Variants in MACROD2 observed in about 807,000 individuals in gnomAD.
MACROD2 encodes ADP-ribose glycohydrolase MACROD2.
Under a neutral mutation model 70.4 loss-of-function variants are expected in MACROD2, and 36 were observed. That is an observed-to-expected ratio of 0.51 (90% CI 0.39 to 0.68). The LOEUF is 0.68. MACROD2 is among the 30% of genes least tolerant of loss of function. MACROD2 has a pLI of 0.00. For missense variants in MACROD2, 496 were observed against 538.4 expected (o/e 0.92, Z 0.78); for synonymous variants, 172 against 178.8 (o/e 0.96, Z 0.30).
intron 3 of MACROD2, among the ~76,000 whole-genome samples, chr20:14,343,249 A>T (rs1369187548): frequency 6.6e-6 from 1 of 151,854 alleles, no homozygotes; most frequent in East Asian, 1.9e-4. Flanking sequence ...TAAAAAAAAA[A>T]AAGACTTAAA....
chr20:15,479,265 CTTTT>C (rs767435610), intron 7 of MACROD2, among the ~76,000 whole-genome samples: 1,576 of 87,668 alleles, frequency 0.018, 13 homozygotes, highest in African/African-American at 0.08. Context: ...TTCTCGCTCT[CTTTT>C]TTTTTTTTTT....
intron 2 of MACROD2, among the ~76,000 whole-genome samples, chr20:14,041,867 A>G (rs1375787615): frequency 2.0e-5 from 3 of 152,144 alleles, no homozygotes; most frequent in African/African-American, 7.2e-5. Flanking sequence ...TGCTCACAAA[A>G]TCCAATAGCC....
intron 8 of MACROD2, among the ~76,000 whole-genome samples, chr20:15,789,268 A>G (rs1414449074): frequency 6.6e-6 from 1 of 152,194 alleles, no homozygotes; most frequent in African/African-American, 2.4e-5. Context: ...CTTTGGTTGA[A>G]AGCATGTTTT....
intron 15 of MACROD2, among the ~76,000 whole-genome samples, chr20:16,012,713 T>A (rs1332028389): frequency 6.6e-6 from 1 of 152,242 alleles, no homozygotes; most frequent in Non-Finnish European, 1.5e-5. Context: ...GGATAAGTTA[T>A]TTTGGTTTAC....
At chr20:14,361,903 AC>A (rs1283664325) in intron 3 of MACROD2, among the ~76,000 whole-genome samples, 1 of 152,170 alleles carries the variant, frequency 6.6e-6, no homozygotes, top group African/African-American at 2.4e-5. Context: ...GCTCACCTTA[AC>A]CTTTTAATTT....
chr20:15,358,087 G>C (rs1003985646), intron 6 of MACROD2, among the ~76,000 whole-genome samples: 7 of 151,826 alleles, frequency 4.6e-5, no homozygotes, highest in Non-Finnish European at 5.9e-5. Flanking sequence ...GGATTACAGG[G>C]GTGAGCCACC....
At chr20:15,346,625 T>C (rs1433444348) in intron 6 of MACROD2, among the ~76,000 whole-genome samples, 1 of 152,156 alleles carries the variant, frequency 6.6e-6, no homozygotes, top group East Asian at 1.9e-4. Context: ...GGTCACAATG[T>C]GTTCTCTTTG....
chr20:14,494,887 A>G (rs1042630535), intron 4 of MACROD2, among the ~76,000 whole-genome samples: 1 of 152,102 alleles, frequency 6.6e-6, no homozygotes, highest in African/African-American at 2.4e-5. Context: ...AGGTGAAGAA[A>G]ACATGATTAA....
At chr20:15,025,140 G>A (rs1037593166) in intron 5 of MACROD2, among the ~76,000 whole-genome samples, 13 of 151,860 alleles carry the variant, frequency 8.6e-5, no homozygotes, top group Non-Finnish European at 1.5e-4. Flanking sequence ...TTTTCACAGT[G>A]GGGGTATTAT....
At chr20:14,106,634 G>A (rs2054372837) in intron 3 of MACROD2, among the ~76,000 whole-genome samples, 1 of 152,200 alleles carries the variant, frequency 6.6e-6, no homozygotes, top group Admixed American at 6.5e-5. Flanking sequence ...ACCTGGTGTT[G>A]TGCTGGCTTC....
At chr20:15,700,820 A>T (rs1248963123) in intron 8 of MACROD2, among the ~76,000 whole-genome samples, 1 of 152,244 alleles carries the variant, frequency 6.6e-6, no homozygotes, top group African/African-American at 2.4e-5. Flanking sequence ...TGTGATCCCA[A>T]ATACTATCTT....
chr20:14,035,138 C>G (rs2053292326), intron 2 of MACROD2, among the ~76,000 whole-genome samples: 3 of 152,104 alleles, frequency 2.0e-5, no homozygotes, highest in Admixed American at 1.3e-4. Context: ...TACTCTTGGA[C>G]TTTATAGGTA....
chr20:15,340,130 CTTTTTTTTTT>C (rs869080087), intron 6 of MACROD2, among the ~76,000 whole-genome samples: 1 of 39,288 alleles, frequency 2.5e-5, no homozygotes, highest in Non-Finnish European at 4.3e-5. Flanking sequence ...TTCTTTCTTT[CTTTTTTTTTT>C]TTTTTTTTTT....
chr20:14,728,805 T>A (rs6110407), intron 5 of MACROD2, among the ~76,000 whole-genome samples: 2 of 151,972 alleles, frequency 1.3e-5, no homozygotes, highest in African/African-American at 4.8e-5. Context: ...CTTATAATAA[T>A]GTCAACTCAG....
chr20:14,832,936 T>A (rs1440641320), intron 5 of MACROD2, among the ~76,000 whole-genome samples: 2 of 152,066 alleles, frequency 1.3e-5, no homozygotes, highest in Non-Finnish European at 2.9e-5. Context: ...TGAAGAACCA[T>A]GTAGTAAATG....
chr20:15,118,391 C>G (rs1342247867), intron 5 of MACROD2, among the ~76,000 whole-genome samples: 2 of 151,982 alleles, frequency 1.3e-5, no homozygotes, highest in Admixed American at 1.3e-4. Context: ...CGGGGTTTCA[C>G]CATGTTGGTC....
At chr20:15,709,758 A>G (rs1486019706) in intron 8 of MACROD2, among the ~76,000 whole-genome samples, 1 of 152,208 alleles carries the variant, frequency 6.6e-6, no homozygotes, top group Non-Finnish European at 1.5e-5. Flanking sequence ...GTGGATAATT[A>G]GCATATTTAT....
intron 8 of MACROD2, among the ~76,000 whole-genome samples, chr20:15,714,598 C>T (rs2050680108): frequency 6.6e-6 from 1 of 152,134 alleles, no homozygotes; most frequent in African/African-American, 2.4e-5. Flanking sequence ...TAACACCTTC[C>T]TCATAGGGAA....
At chr20:14,896,257 T>C (rs773693049) in intron 5 of MACROD2, among the ~76,000 whole-genome samples, 6 of 152,026 alleles carry the variant, frequency 3.9e-5, no homozygotes, top group Non-Finnish European at 7.4e-5. Flanking sequence ...ATTGCACCAC[T>C]GCACTTCAGC....
Sources: allele counts gnomAD v4.1 joint callset (sites outside exome capture counted in the v4.1 genomes callset), GRCh38; gene constraint gnomAD v4.1.1; transcripts MANE v1.5; gene names NCBI Gene and HGNC (gene_info 2026-07-23, HGNC 2026-07-21).